The following GPM6A variants were observed in gnomAD, a reference collection of about 807,000 sequenced individuals.
GPM6A encodes neuronal membrane glycoprotein M6-a.
A neutral mutation model predicts 32.1 loss-of-function variants in GPM6A; 7 were observed. That is an observed-to-expected ratio of 0.22 (90% CI 0.12 to 0.41). The LOEUF is 0.41. Ranked by LOEUF, GPM6A falls within the 10% of genes least tolerant of loss-of-function variation. GPM6A has a pLI of 1.00. For synonymous variants in GPM6A, 130 were observed against 123.4 expected (o/e 1.05, Z -0.35); for missense variants, 235 against 347.2 (o/e 0.68, Z 2.57).
intron 1 of GPM6A, among the ~76,000 whole-genome samples, chr4:175,990,480 C>T (rs1741104335): frequency 2.0e-5 from 3 of 152,054 alleles, no homozygotes; most frequent in Admixed American, 2.0e-4. Flanking sequence ...AGCATAAGTC[C>T]TTTAGAATCA....
intron 1 of GPM6A, among the ~76,000 whole-genome samples, chr4:175,796,431 T>C (rs1734231006): frequency 6.6e-6 from 1 of 152,324 alleles, no homozygotes; most frequent in Admixed American, 6.5e-5. Context: ...TTCCAACATA[T>C]AGATACTTTT....
intron 1 of GPM6A, among the ~76,000 whole-genome samples, chr4:175,856,706 A>C (rs1419368461): frequency 1.3e-5 from 2 of 152,164 alleles, no homozygotes; most frequent in East Asian, 3.9e-4. Context: ...GGGGACCTGG[A>C]AAGGGGATGG....
intron 1 of GPM6A, among the ~76,000 whole-genome samples, chr4:175,999,442 A>G (rs1221410630): frequency 6.6e-6 from 1 of 152,204 alleles, no homozygotes; most frequent in Non-Finnish European, 1.5e-5. Flanking sequence ...CTGCATACCT[A>G]GAGAAGCCGA....
intron 1 of GPM6A, among the ~76,000 whole-genome samples, chr4:175,927,950 GAT>G (rs2111538263): frequency 1.2e-4 from 1 of 8,540 alleles, no homozygotes; most frequent in Admixed American, 3.0e-3. Flanking sequence ...CTTTCTACTG[GAT>G]TTTTTTTTCT....
chr4:175,996,510 T>C (rs1741312962), intron 1 of GPM6A, among the ~76,000 whole-genome samples: 1 of 152,186 alleles, frequency 6.6e-6, no homozygotes, highest in Non-Finnish European at 1.5e-5. Flanking sequence ...AACTCCACTC[T>C]AAATAAAATG....
chr4:175,875,649 GCATCT>G (rs1284142666), intron 1 of GPM6A, among the ~76,000 whole-genome samples: 2 of 152,068 alleles, frequency 1.3e-5, no homozygotes, highest in East Asian at 3.9e-4. Context: ...AAACCACTGA[GCATCT>G]CATCCCTACA....
chr4:175,841,117 T>C (rs1411015323), intron 1 of GPM6A, among the ~76,000 whole-genome samples: 1 of 152,170 alleles, frequency 6.6e-6, no homozygotes, highest in African/African-American at 2.4e-5. Flanking sequence ...ATTCTAAAGA[T>C]AAGTGGCTGC....
rs530707588 is a variant in GPM6A at position 175,656,156 on chromosome 4, A to C, written c.388-4169T>G. Reference sequence around the variant, plus strand: ...CTCACATATAGTAAAATGCTGACTAAATCCTCTTGACCCACAAAAAAAAAT... The same window carrying C: ...CTCACATATAGTAAAATGCTGACTACATCCTCTTGACCCACAAAAAAAAAT... On this transcript the variant is annotated intron_variant, in intron 3 of 6. Coordinates refer to ENST00000393658, the MANE Select transcript of GPM6A (RefSeq NM_201591.3). 8.5e-5 allele frequency among the ~76,000 whole-genome samples: 13 copies of C among 152,186 alleles called. 1 individual carries two copies. Among genetic ancestry groups the C allele is most frequent in the Admixed American group, 6.6e-4 (10 of 15,258 alleles).
At chr4:175,872,749 A>G (rs1579584891) in intron 1 of GPM6A, 1 of 152,212 alleles carries the variant, frequency 6.6e-6, no homozygotes, top group African/African-American at 2.4e-5. Context: ...AAAGGTGCAA[A>G]GAAGTTAATG....
At chr4:175,857,458 A>G (rs533497919) in intron 1 of GPM6A, among the ~76,000 whole-genome samples, 3 of 152,330 alleles carry the variant, frequency 2.0e-5, no homozygotes, top group South Asian at 2.1e-4. Context: ...GTTATAGCTA[A>G]CAAGCATAGA....
intron 3 of GPM6A, among the ~76,000 whole-genome samples, chr4:175,656,823 G>T (rs1742110750): frequency 6.6e-6 from 1 of 152,040 alleles, no homozygotes; most frequent in Non-Finnish European, 1.5e-5. Flanking sequence ...CAGCAGCATT[G>T]ATGAAAAGAA....
At position 175,745,825 on chromosome 4, in the gene GPM6A, A is replaced by ATG. The variant is rs571327403; in HGVS notation, c.38-44060_38-44059dup. On this transcript the variant is annotated intron_variant, in intron 1 of 6. Coordinates refer to ENST00000393658, the MANE Select transcript of GPM6A (RefSeq NM_201591.3). ...ATGTTATCTGAGGCTGGAGAAGGAG[A>ATG]TGGGGGTCAAGTTGGGAAGACTTCT... Among the ~76,000 whole-genome samples, 584 of 152,204 alleles carry ATG rather than the reference A, an allele frequency of 3.8e-3. 2 individuals carry two copies. The highest frequency in any genetic ancestry group is 6.1e-3 in the Non-Finnish European group (413 of 67,996).
At chr4:175,981,858 T>A (rs1390152825) in intron 1 of GPM6A, among the ~76,000 whole-genome samples, 1 of 152,174 alleles carries the variant, frequency 6.6e-6, no homozygotes, top group Non-Finnish European at 1.5e-5. Context: ...TGTTTGAGAA[T>A]TCCAGCTGTC....
chr4:175,928,156 C>T (rs1222029475), intron 1 of GPM6A, among the ~76,000 whole-genome samples: 6 of 151,890 alleles, frequency 4.0e-5, no homozygotes, highest in East Asian at 1.9e-4. Flanking sequence ...AATAAGTGTC[C>T]GGAAGTGAGC....
intron 1 of GPM6A, among the ~76,000 whole-genome samples, chr4:175,827,098 C>G (rs946781648): frequency 6.6e-6 from 1 of 151,972 alleles, no homozygotes; most frequent in East Asian, 1.9e-4. Context: ...ATTTTACAGA[C>G]GAGGAAAATG....
chr4:175,848,665 A>C (rs1247779141), intron 1 of GPM6A, among the ~76,000 whole-genome samples: 1 of 152,190 alleles, frequency 6.6e-6, no homozygotes. Context: ...TGTACACGTA[A>C]AATGAGAATA....
chr4:175,935,577 A>G (rs1327887069), intron 1 of GPM6A, among the ~76,000 whole-genome samples: 2 of 152,218 alleles, frequency 1.3e-5, no homozygotes, highest in Non-Finnish European at 2.9e-5. Context: ...CCCATTTTCA[A>G]TACCAACATA....
chr4:175,799,890 T>C (rs1399163959), intron 1 of GPM6A, among the ~76,000 whole-genome samples: 2 of 152,108 alleles, frequency 1.3e-5, no homozygotes, highest in Non-Finnish European at 2.9e-5. Flanking sequence ...TAGCCGCAAG[T>C]GTTTTCAAAA....
chr4:175,660,505 G>A (rs1236777338), intron 3 of GPM6A, among the ~76,000 whole-genome samples: 1 of 152,026 alleles, frequency 6.6e-6, no homozygotes, highest in Non-Finnish European at 1.5e-5. Flanking sequence ...AGAAACACTA[G>A]ACATACTCTT....
Sources: allele counts gnomAD v4.1 joint callset (sites outside exome capture counted in the v4.1 genomes callset), GRCh38; gene constraint gnomAD v4.1.1; transcripts MANE v1.5; gene names NCBI Gene and HGNC (gene_info 2026-07-23, HGNC 2026-07-21).